TBX15: variants seen among roughly 807,000 people sequenced by gnomAD.
TBX15 encodes the protein T-box transcription factor 15.
A neutral mutation model predicts 53.9 loss-of-function variants in TBX15; 18 were observed. The observed-to-expected ratio is 0.33, with a 90% confidence interval of 0.23 to 0.49. TBX15 has a LOEUF of 0.49. Ranked by LOEUF, TBX15 falls within the 20% of genes least tolerant of loss-of-function variation. The probability of loss-of-function intolerance (pLI) is 0.98; values close to 1 mark genes in which losing one functional copy is unlikely to be tolerated. For synonymous variants in TBX15, 295 were observed against 278.0 expected, an observed-to-expected ratio of 1.06 and a Z score of -0.61; for missense variants, 692 against 749.5, an observed-to-expected ratio of 0.92 and a Z score of 0.90.
chr1:118,919,709 C>T (rs530182735), intron 5 of TBX15, among the ~76,000 whole-genome samples: 9 of 152,260 alleles, frequency 5.9e-5, no homozygotes, highest in East Asian at 1.9e-4. Context: ...ATAGGTCAGA[C>T]GCAAATATCT....
chr1:118,938,104 A>G (rs925995744), intron 1 of TBX15, among the ~76,000 whole-genome samples: 7 of 152,164 alleles, frequency 4.6e-5, no homozygotes, highest in African/African-American at 1.4e-4. Flanking sequence ...TGACCTGAGT[A>G]CGAACTGAGC....
chr1:118,953,202 A>T lies in TBX15; in HGVS notation c.206-21370T>A, dbSNP rs957164180. ...AGTGATTTCTTAGGTTGTCCTCTGA[A>T]CCTAACCCTCATAAATGAGTCACTG... On this transcript the variant is annotated intron_variant, in intron 1 of 7. Transcript: ENST00000369429. Among the ~76,000 whole-genome samples, 20 of 152,318 alleles carry T rather than the reference A, an allele frequency of 1.3e-4. No homozygotes were observed. The East Asian group carries it at 2.7e-3, about 21-fold the overall frequency.
chr1:118,985,092 TG>T (rs1282769343), intron 1 of TBX15, among the ~76,000 whole-genome samples: 1 of 152,112 alleles, frequency 6.6e-6, no homozygotes, highest in East Asian at 1.9e-4. Flanking sequence ...GGCATGAACG[TG>T]TGCGTGTGTG....
chr1:118,956,388 GA>G (rs1221947056), intron 1 of TBX15, among the ~76,000 whole-genome samples: 1 of 152,014 alleles, frequency 6.6e-6, no homozygotes, highest in East Asian at 1.9e-4. Context: ...AAATAGTTCA[GA>G]AAAAAGTTAG....
At chr1:118,926,331 A>G (rs1010060995) in intron 3 of TBX15, among the ~76,000 whole-genome samples, 179 bp downstream of exon 3, 2 of 152,212 alleles carry the variant, frequency 1.3e-5, no homozygotes, top group African/African-American at 4.8e-5. Flanking sequence ...ACAGGGGGGA[A>G]TCCCAGGTCA....
chr1:118,910,108 T>G (rs1654981603), intron 6 of TBX15, among the ~76,000 whole-genome samples: 1 of 152,122 alleles, frequency 6.6e-6, no homozygotes. Flanking sequence ...CATTCCCCTC[T>G]TCTTGAGCCT....
intron 7 of TBX15, 21 bp downstream of exon 7, chr1:118,899,007 G>C (rs768477163): frequency 8.7e-6 from 14 of 1,611,946 alleles, no homozygotes; most frequent in Non-Finnish European, 9.3e-6. Flanking sequence ...ACTAAGCAGA[G>C]GCCTTGCTCC....
Position 118,885,271 on chromosome 1 carries a change from G to A in TBX15, c.1270C>T (p.Leu424Phe). ...GTGGCTGAAGTGGTGCCACTCTGAAGCCTGTTGTAGCCACTGTCACTCAGC... is the reference window on the plus strand; with the variant it reads ...GTGGCTGAAGTGGTGCCACTCTGAAACCTGTTGTAGCCACTGTCACTCAGC... ...PGLSDSGYNR[L>F]QSGTTSATQP... Residue 424 changes from leucine (L) to phenylalanine (F), a missense_variant, in exon 8 of 8, where the codon CTT (leucine) becomes TTT (phenylalanine). Physicochemically the swap from Leu to Phe is conservative, Grantham distance 22. Around this residue, in one of 3 missense-constraint regions of TBX15, gnomAD observed 375 missense variants for 371.6 expected, o/e 1.01. Transcript: ENST00000369429. 1 of 1,614,102 alleles carries A rather than the reference G, an allele frequency of 6.2e-7. No homozygotes were observed. The highest frequency in any genetic ancestry group is 8.5e-7 in the Non-Finnish European group (1 of 1,180,028).
upstream of TBX15, chr1:118,989,292 T>C (rs1657959168): frequency 6.6e-6 from 1 of 152,206 alleles, no homozygotes; most frequent in Non-Finnish European, 1.5e-5. Flanking sequence ...AAGGACTGCA[T>C]TCAACATGGA....
rs1357915569 is a variant in TBX15, at chr1:118,987,855, C to T, written c.-60G>A. On this transcript the variant is annotated 5_prime_UTR_variant, in exon 1 of 8. Coordinates refer to ENST00000369429, the MANE Select transcript of TBX15 (RefSeq NM_001330677.2). The stretch of plus-strand genomic sequence containing the variant: ...CGCTACCGAGGGAGCAGCCGGCGCC[C>T]TCAAGCTCTGAGCGCCCACCGGGCC... The T allele has an allele frequency of 1.3e-6, 2 of 1,537,332 alleles. No homozygotes were observed. Among genetic ancestry groups the T allele is most frequent in the African/African-American group, 2.8e-5 (2 of 72,626 alleles).
rs756448161 is a variant in TBX15, at chr1:118,924,825, A to G, written c.522-8T>C. ...GAGCTATGATACACATATCTGAGAT[A>G]AAGAGGAAGAGAGGAAAATTCAGAG... On this transcript the variant is annotated splice_region_variant and splice_polypyrimidine_tract_variant and intron_variant, in intron 3 of 7. Coordinates refer to ENST00000369429, the MANE Select transcript of TBX15 (RefSeq NM_001330677.2). 13 of 1,614,002 alleles carry G rather than the reference A, an allele frequency of 8.1e-6. No homozygotes were observed. The Middle Eastern group carries it at 5.0e-4, about 62-fold the overall frequency.
chr1:118,896,194 A>C (rs1038992788), intron 7 of TBX15, among the ~76,000 whole-genome samples: 14 of 148,736 alleles, frequency 9.4e-5, no homozygotes, highest in African/African-American at 2.7e-4. Context: ...AACACTGGAC[A>C]CCCCTGTACT....
At chr1:118,948,850 A>G (rs1327120162) in intron 1 of TBX15, among the ~76,000 whole-genome samples, 1 of 152,210 alleles carries the variant, frequency 6.6e-6, no homozygotes, top group Non-Finnish European at 1.5e-5. Flanking sequence ...ATATTACTAA[A>G]TTAGAGATAA....
intron 1 of TBX15, among the ~76,000 whole-genome samples, chr1:118,958,428 A>T (rs531050845): frequency 2.0e-4 from 31 of 152,218 alleles, no homozygotes; most frequent in Non-Finnish European, 4.0e-4. Context: ...GCAGACTAAA[A>T]CAGACAGGAT....
chr1:118,905,739 G>T (rs919446822), intron 6 of TBX15, among the ~76,000 whole-genome samples: 1 of 152,122 alleles, frequency 6.6e-6, no homozygotes, highest in African/African-American at 2.4e-5. Context: ...GAGATTGGCT[G>T]GACAAATATA....
intron 7 of TBX15, among the ~76,000 whole-genome samples, chr1:118,894,203 G>C (rs1367299888): frequency 6.6e-6 from 1 of 152,168 alleles, no homozygotes; most frequent in African/African-American, 2.4e-5. Context: ...GAGAGAACGA[G>C]GGGAGGTGAT....
At chr1:118,967,485 T>C (rs1209554627) in intron 1 of TBX15, among the ~76,000 whole-genome samples, 1 of 152,212 alleles carries the variant, frequency 6.6e-6, no homozygotes, top group Non-Finnish European at 1.5e-5. Context: ...TTTTATGTTC[T>C]CTGTATGCCT....
intron 1 of TBX15, among the ~76,000 whole-genome samples, chr1:118,952,369 C>T (rs1401446208): frequency 2.6e-5 from 4 of 152,056 alleles, no homozygotes; most frequent in Non-Finnish European, 1.5e-5. Context: ...GTCAGCACCA[C>T]AACCCTCACA....
intron 1 of TBX15, among the ~76,000 whole-genome samples, chr1:118,948,846 C>T (rs1019128822): frequency 9.2e-5 from 14 of 152,208 alleles, no homozygotes; most frequent in African/African-American, 2.9e-4. Flanking sequence ...ATAAATATTA[C>T]TAAATTAGAG....
Sources: gnomAD v4.1 joint callset for allele counts (sites outside exome capture counted in the v4.1 genomes callset) on GRCh38, gnomAD v4.1.1 for gene constraint, gnomAD v4.1.1 regional missense constraint, MANE v1.5 for transcripts, NCBI Gene and HGNC (gene_info 2026-07-23, HGNC 2026-07-21) for gene names.